Variants in CGNL1 observed in about 807,000 individuals in gnomAD.
CGNL1 encodes the protein cingulin-like protein 1.
In CGNL1, 132 loss-of-function variants were observed where a neutral mutation model predicts 141.2. That is an observed-to-expected ratio of 0.93 (90% CI 0.81 to 1.08). CGNL1 has a LOEUF of 1.08. Ranked by LOEUF, CGNL1 falls within the 50% of genes least tolerant of loss-of-function variation. The pLI, the probability that CGNL1 is intolerant of heterozygous loss-of-function variation, is 0.00. For synonymous variants in CGNL1, 690 were observed against 622.1 expected, an observed-to-expected ratio of 1.11 and a Z score of -1.63; for missense variants, 1,870 against 1,588.6, an observed-to-expected ratio of 1.18 and a Z score of -3.01.
chr15:57,528,218 C>T (rs1426741887), intron 12 of CGNL1, among the ~76,000 whole-genome samples: 1 of 151,782 alleles, frequency 6.6e-6, no homozygotes. Context: ...GATCGCACCA[C>T]TGCACACCAG....
At chr15:57,412,929 G>A (rs896450768) in intron 1 of CGNL1, among the ~76,000 whole-genome samples, 3 of 151,998 alleles carry the variant, frequency 2.0e-5, no homozygotes, top group South Asian at 2.1e-4. Context: ...GCGCGATCTC[G>A]GCTCACTGCA....
chr15:57,486,638 G>A (rs1412688471), intron 8 of CGNL1, among the ~76,000 whole-genome samples: 1 of 152,198 alleles, frequency 6.6e-6, no homozygotes, highest in Non-Finnish European at 1.5e-5. Flanking sequence ...TACGTTAGGT[G>A]ACTGGTGAAT....
chr15:57,452,799 C>A (rs909180663), intron 6 of CGNL1, among the ~76,000 whole-genome samples: 8 of 152,056 alleles, frequency 5.3e-5, no homozygotes, highest in African/African-American at 1.5e-4. Context: ...GCAAAGGAAT[C>A]GAAAACCAAG....
At chr15:57,515,552 C>T (rs1164405104) in intron 8 of CGNL1, among the ~76,000 whole-genome samples, 1 of 152,132 alleles carries the variant, frequency 6.6e-6, no homozygotes, top group Non-Finnish European at 1.5e-5. Context: ...ATGAGATTTG[C>T]TGATATTGGC....
chr15:57,465,564 T>A (rs564050840), intron 8 of CGNL1, among the ~76,000 whole-genome samples: 1 of 151,992 alleles, frequency 6.6e-6, no homozygotes, highest in Non-Finnish European at 1.5e-5. Context: ...CTAATTTTTG[T>A]ATTTTTAGTA....
At chr15:57,456,798 GA>G (rs1389257193) in intron 7 of CGNL1, among the ~76,000 whole-genome samples, 1 of 152,188 alleles carries the variant, frequency 6.6e-6, no homozygotes, top group African/African-American at 2.4e-5. Context: ...GCTTTGATGG[GA>G]GCCTGCGGTG....
chr15:57,398,437 A>C (rs1381772094), intron 1 of CGNL1: 1 of 152,164 alleles, frequency 6.6e-6, no homozygotes, highest in Non-Finnish European at 1.5e-5. Context: ...ATAGGTTTGT[A>C]TCATATCACC....
rs959805241 is a variant in CGNL1, at chr15:57,528,010, A to G, written c.3040-644A>G. On this transcript the variant is annotated intron_variant, in intron 12 of 18. Transcript: ENST00000281282. ...ACGGTGGCTCATGCCTGCAATCCCA[A>G]TACTTTGGGAGACTGAGGCGGGCAT... is the stretch of plus-strand genomic sequence containing the variant. Among the ~76,000 whole-genome samples, 6 of 152,346 alleles carry G rather than the reference A, an allele frequency of 3.9e-5. No homozygotes were observed. The South Asian group carries it at 8.3e-4, about 21-fold the overall frequency.
chr15:57,445,809 T>G (rs1211772421), intron 4 of CGNL1, among the ~76,000 whole-genome samples: 2 of 152,202 alleles, frequency 1.3e-5, no homozygotes. Context: ...CTAACCACTT[T>G]ACTGTAGGAT....
chr15:57,424,583 C>T (rs142189959), intron 1 of CGNL1, among the ~76,000 whole-genome samples: 64 of 152,292 alleles, frequency 4.2e-4, no homozygotes, highest in African/African-American at 1.4e-3. Context: ...GATACTACCA[C>T]GCCATTCCAG....
At chr15:57,440,944 T>A (rs1049618232) in intron 3 of CGNL1, among the ~76,000 whole-genome samples, 1 of 152,144 alleles carries the variant, frequency 6.6e-6, no homozygotes, top group African/African-American at 2.4e-5. Flanking sequence ...TTTCCATGCT[T>A]ATCTTGGTGG....
At position 57,451,547 on chromosome 15, in the gene CGNL1, C is replaced by T. The variant is rs765657089; in HGVS notation, c.1851C>T (p.Ser617=). 1.9e-6 allele frequency: 3 copies of T among 1,613,310 alleles called. No homozygotes were observed. Among genetic ancestry groups the T allele is most frequent in the South Asian group, 2.2e-5 (2 of 90,920 alleles). The change falls in exon 5 of 19, where the codon AGC becomes AGT. Residue 617 remains serine, a synonymous_variant. Coordinates refer to ENST00000281282, the MANE Select transcript of CGNL1 (RefSeq NM_032866.5). The part of the protein sequence containing the change: ...SEVKDLLEQK[S]KLTIEVAELQ... Reference sequence around the variant, plus strand: ...TCAAAGATCTATTGGAACAGAAAAGCAAGTTGACCATAGAAGTGGCTGAAC... The same window carrying T: ...TCAAAGATCTATTGGAACAGAAAAGTAAGTTGACCATAGAAGTGGCTGAAC...
chr15:57,395,329 ATCT>A (rs1289722604), intron 1 of CGNL1, among the ~76,000 whole-genome samples: 1 of 152,200 alleles, frequency 6.6e-6, no homozygotes, highest in Non-Finnish European at 1.5e-5. Context: ...CCAGAATAAA[ATCT>A]TCTTACTTCT....
chr15:57,403,269 C>T (rs1892806833), intron 1 of CGNL1, among the ~76,000 whole-genome samples: 2 of 152,142 alleles, frequency 1.3e-5, no homozygotes, highest in East Asian at 1.9e-4. Flanking sequence ...CTTTGGGGCC[C>T]AGGACAACAT....
At chr15:57,531,620 T>TG (rs1595804129) in intron 13 of CGNL1, 70 bp from the exon 14 acceptor site, 5 of 962,678 alleles carry the variant, frequency 5.2e-6, no homozygotes, top group Non-Finnish European at 8.5e-6. Context: ...TGTTTCTCTG[T>TG]GGGGGAGCCT....
intron 7 of CGNL1, among the ~76,000 whole-genome samples, chr15:57,454,563 C>T (rs1432100479): frequency 6.6e-6 from 1 of 152,220 alleles, no homozygotes; most frequent in Non-Finnish European, 1.5e-5. Flanking sequence ...CACCCGATGA[C>T]CTGGCAGGAG....
In CGNL1 at chr15:57,549,968, G is replaced by A. The variant is rs1365344419; in HGVS notation, c.*2478G>A. 1 of 152,220 alleles carries A rather than the reference G, an allele frequency of 6.6e-6. No individual in the cohort carries two copies. Among genetic ancestry groups the A allele is most frequent in the Admixed American group, 6.5e-5 (1 of 15,290 alleles). The allele number at this position is 152,220 out of a possible 1,614,324, so 9.4% of individuals were successfully genotyped here. Reference sequence around the variant, plus strand: ...AGGTCAGCACACCCAAGAACTTTGGGAGTGTGTGTCTGTTTTGGTTTGTGA... The same window carrying A: ...AGGTCAGCACACCCAAGAACTTTGGAAGTGTGTGTCTGTTTTGGTTTGTGA... On this transcript the variant is annotated 3_prime_UTR_variant, in exon 19 of 19. Transcript: ENST00000281282.
Position 57,461,856 on chromosome 15 carries a change from G to A in CGNL1, c.2367G>A (p.Leu789=), listed in dbSNP as rs749996233. ...DKLKEQYDAE[L]QALRESVEEA... ...TGAAGGAGCAATATGATGCTGAGTT[G>A]CAGGCCCTGAGGGAGAGTGTGGAAG... Residue 789 remains leucine, a synonymous_variant, in exon 8 of 19, where the codon TTG becomes TTA. Transcript: ENST00000281282. 7.4e-6 allele frequency: 12 copies of A among 1,613,864 alleles called. No individual in the cohort carries two copies. Among genetic ancestry groups the A allele is most frequent in the African/African-American group, 1.3e-5 (1 of 74,894 alleles).
chr15:57,406,711 A>G (rs1187965949), intron 1 of CGNL1, among the ~76,000 whole-genome samples: 4 of 152,254 alleles, frequency 2.6e-5, no homozygotes, highest in East Asian at 3.8e-4. Context: ...TGGCAAACAC[A>G]TGAGATCATG....
Sources: gnomAD v4.1 joint callset for allele counts (sites outside exome capture counted in the v4.1 genomes callset) on GRCh38, gnomAD v4.1.1 for gene constraint, MANE v1.5 for transcripts, NCBI Gene and HGNC (gene_info 2026-07-23, HGNC 2026-07-21) for gene names.